Variants in AFF3 observed in about 807,000 individuals in gnomAD.
AFF3 encodes the protein AF4/FMR2 family member 3.
AFF3 carries 32 observed loss-of-function variants against 129.7 expected under a neutral mutation model. The observed-to-expected ratio is 0.25, with a 90% CI of 0.19 to 0.33. AFF3 has a LOEUF of 0.33. Ranked by LOEUF, AFF3 falls within the 10% of genes least tolerant of loss-of-function variation. The pLI is 1.00. For synonymous variants in AFF3, 644 were observed against 635.4 expected (o/e 1.01, Z -0.20); for missense variants, 1,373 against 1,592.0 (o/e 0.86, Z 2.34).
chr2:100,022,329 A>T (rs746787605), intron 4 of AFF3, among the ~76,000 whole-genome samples: 1 of 152,184 alleles, frequency 6.6e-6, no homozygotes, highest in African/African-American at 2.4e-5. Context: ...AAATGTTGCA[A>T]AGAGGACATG....
chr2:99,844,204 A>T (rs572237170), intron 7 of AFF3, among the ~76,000 whole-genome samples: 1 of 152,324 alleles, frequency 6.6e-6, no homozygotes, highest in East Asian at 1.9e-4. Context: ...AAGAGGAGCA[A>T]ACCACAAACT....
chr2:99,965,534 T>C (rs1437171348), intron 7 of AFF3, among the ~76,000 whole-genome samples: 2 of 152,258 alleles, frequency 1.3e-5, no homozygotes, highest in Non-Finnish European at 2.9e-5. Flanking sequence ...TTTATGGTTG[T>C]ACACAGGTCT....
intron 7 of AFF3, among the ~76,000 whole-genome samples, chr2:99,855,081 G>A (rs573137504): frequency 1.3e-5 from 2 of 151,988 alleles, no homozygotes; most frequent in Non-Finnish European, 2.9e-5. Context: ...CAATGATTTT[G>A]GGGTTACGAA....
intron 13 of AFF3, among the ~76,000 whole-genome samples, chr2:99,615,367 G>C (rs1432723766): frequency 6.6e-6 from 1 of 152,210 alleles, no homozygotes; most frequent in Non-Finnish European, 1.5e-5. Flanking sequence ...CCTGTCCTGG[G>C]CACTGTTTGA....
intron 4 of AFF3, among the ~76,000 whole-genome samples, chr2:100,012,387 C>G (rs1284950523): frequency 6.6e-6 from 1 of 152,154 alleles, no homozygotes; most frequent in Non-Finnish European, 1.5e-5. Flanking sequence ...GAAGCACAAG[C>G]CCCCCACCAC....
intron 4 of AFF3, among the ~76,000 whole-genome samples, chr2:100,039,695 T>C (rs1247113630): frequency 6.6e-6 from 1 of 152,138 alleles, no homozygotes; most frequent in Non-Finnish European, 1.5e-5. Context: ...TTCCTTTACA[T>C]CCATATGCCT....
intron 8 of AFF3, among the ~76,000 whole-genome samples, chr2:99,766,900 A>C (rs1211872792): frequency 6.6e-6 from 1 of 152,250 alleles, no homozygotes; most frequent in African/African-American, 2.4e-5. Flanking sequence ...TGATCTCACA[A>C]GAGTCTCTAT....
chr2:99,618,569 G>A (rs1031424568), intron 13 of AFF3, among the ~76,000 whole-genome samples: 2 of 152,138 alleles, frequency 1.3e-5, no homozygotes, highest in African/African-American at 4.8e-5. Flanking sequence ...CTAGCACATA[G>A]CAAATGCTCA....
intron 4 of AFF3, among the ~76,000 whole-genome samples, chr2:100,059,464 G>T (rs915233371): frequency 6.6e-6 from 1 of 152,084 alleles, no homozygotes; most frequent in Non-Finnish European, 1.5e-5. Flanking sequence ...TCTTAGTGAG[G>T]CTGTGGAGAA....
At chr2:99,971,579 C>G (rs1678384173) in intron 7 of AFF3, among the ~76,000 whole-genome samples, 1 of 152,172 alleles carries the variant, frequency 6.6e-6, no homozygotes, top group African/African-American at 2.4e-5. Context: ...GTGCCTGTGT[C>G]TACGTTTTAA....
chr2:99,591,837 G>A (rs1678713282), intron 15 of AFF3, among the ~76,000 whole-genome samples: 1 of 152,166 alleles, frequency 6.6e-6, no homozygotes, highest in African/African-American at 2.4e-5. Flanking sequence ...GTAACCTTGG[G>A]CAAGTTGCTT....
intron 15 of AFF3, among the ~76,000 whole-genome samples, chr2:99,588,379 T>C (rs1678335321): frequency 2.0e-5 from 3 of 152,276 alleles, no homozygotes; most frequent in South Asian, 2.1e-4. Flanking sequence ...GGCTTTGCCA[T>C]GTTGCTCAGG....
intron 7 of AFF3, among the ~76,000 whole-genome samples, chr2:99,955,592 A>C (rs999758724): frequency 1.3e-5 from 2 of 152,220 alleles, no homozygotes; most frequent in African/African-American, 4.8e-5. Flanking sequence ...CTCCAGTTGA[A>C]AATGTCTAAT....
intron 7 of AFF3, among the ~76,000 whole-genome samples, chr2:99,890,748 T>A (rs2106078414): frequency 6.6e-6 from 1 of 152,258 alleles, no homozygotes; most frequent in East Asian, 1.9e-4. Flanking sequence ...CAGTGACCTC[T>A]GCATGCCCCT....
chr2:99,741,346 A>C (rs1026185103), intron 10 of AFF3, among the ~76,000 whole-genome samples: 3 of 152,208 alleles, frequency 2.0e-5, no homozygotes, highest in Admixed American at 1.3e-4. Flanking sequence ...AAATCTCCTT[A>C]AGCTGAGAGG....
chr2:100,085,716 T>A (rs901934372), intron 4 of AFF3, among the ~76,000 whole-genome samples: 70 of 152,156 alleles, frequency 4.6e-4, no homozygotes, highest in Non-Finnish European at 1.6e-4. Context: ...GGAAAGATGA[T>A]CTCTAAGGTT....
intron 7 of AFF3, among the ~76,000 whole-genome samples, chr2:99,986,480 A>G (rs1208264676): frequency 6.6e-6 from 1 of 152,118 alleles, no homozygotes; most frequent in Non-Finnish European, 1.5e-5. Context: ...GTTCTAACAG[A>G]GTCCCTTATT....
chr2:99,643,286 C>T (rs1684386020), intron 13 of AFF3, among the ~76,000 whole-genome samples: 1 of 151,978 alleles, frequency 6.6e-6, no homozygotes, highest in Non-Finnish European at 1.5e-5. Flanking sequence ...TCTTGAACTC[C>T]TGACCTTGTG....
intron 4 of AFF3, among the ~76,000 whole-genome samples, chr2:100,059,559 C>G (rs1369200370): frequency 2.6e-5 from 4 of 152,138 alleles, no homozygotes. Context: ...CTGCACAACT[C>G]TGTAAATATA....
Sources: gnomAD v4.1 joint callset for allele counts (sites outside exome capture counted in the v4.1 genomes callset) on GRCh38, gnomAD v4.1.1 for gene constraint, MANE v1.5 for transcripts, NCBI Gene and HGNC (gene_info 2026-07-23, HGNC 2026-07-21) for gene names.